Variants in SPATA1 observed in about 807,000 individuals in gnomAD.
SPATA1 encodes the protein spermatogenesis-associated protein 1.
In SPATA1, 57 loss-of-function variants were observed where a neutral mutation model predicts 59.6. The observed-to-expected ratio is 0.96, with a 90% confidence interval of 0.77 to 1.19. SPATA1 has a LOEUF of 1.19. Ranked by LOEUF, SPATA1 falls within the 50% of genes most tolerant of loss-of-function variation. SPATA1 has a pLI of 0.00. For missense variants in SPATA1, 448 were observed against 480.7 expected (o/e 0.93, Z 0.64); for synonymous variants, 147 against 163.9 (o/e 0.90, Z 0.79).
rs141724452 is a variant in SPATA1 at position 84,535,265 on chromosome 1, C to T, written c.717+1499C>T. Among the ~76,000 whole-genome samples the T allele has an allele frequency of 1.7e-3, 251 of 152,102 alleles. 1 individual carries two copies. The highest frequency in any genetic ancestry group is 5.9e-3 in the African/African-American group (246 of 41,500). On this transcript the variant is annotated intron_variant, in intron 8 of 12. Transcript: ENST00000490879. ...AGGCTTTATAAGTAGTTATTGTTAT[C>T]AGATAGCGTAAGATTTCCAAGTCAA...
chr1:84,551,284 G>A, intron 12 of SPATA1: 1 of 980,648 alleles, frequency 1.0e-6, no homozygotes. Context: ...ACAGAATAAT[G>A]ACTGCATTCT....
chr1:84,557,857 C>CAA (rs375521066), downstream of SPATA1, among the ~76,000 whole-genome samples: 444 of 117,802 alleles, frequency 3.8e-3, 1 homozygote, highest in African/African-American at 0.012. Flanking sequence ...GACTCCATCT[C>CAA]AAAAAAAAAA....
Position 84,542,634 on chromosome 1 carries a change from G to A in SPATA1, c.718-1568G>A, listed in dbSNP as rs138754074. Among the ~76,000 whole-genome samples the A allele has an allele frequency of 2.6e-3, 390 of 152,076 alleles. 2 individuals are homozygous for A. Among genetic ancestry groups the A allele is most frequent in the Admixed American group, 3.7e-3 (57 of 15,282 alleles). ...TATCTGACTCTCTGCTCAGATGTGG[G>A]CTCCTGACCACACTCTGATCTAGTA... On this transcript the variant is annotated intron_variant, in intron 8 of 12. Coordinates refer to ENST00000490879, the Ensembl canonical transcript of SPATA1.
intron 8 of SPATA1, among the ~76,000 whole-genome samples, chr1:84,537,022 G>A (rs1184727680): frequency 1.3e-5 from 2 of 151,684 alleles, no homozygotes; most frequent in East Asian, 3.9e-4. Flanking sequence ...TGGGATTATA[G>A]GCACCTGCCA....
intron 8 of SPATA1, among the ~76,000 whole-genome samples, chr1:84,538,445 C>T (rs1683787821): frequency 6.6e-6 from 1 of 152,052 alleles, no homozygotes; most frequent in Admixed American, 6.6e-5. Context: ...ACAGGAAATA[C>T]CAAATAATCT....
chr1:84,564,646 T>A (rs1684657738), intron 4 of SPATA1, among the ~76,000 whole-genome samples: 2 of 152,190 alleles, frequency 1.3e-5, no homozygotes, highest in Non-Finnish European at 2.9e-5. Flanking sequence ...GCTTGAACCT[T>A]TTATTGATAG....
At position 84,514,459 on chromosome 1, in the gene SPATA1, G is replaced by A. The variant is rs185756241; in HGVS notation, c.-137-1764G>A. On this transcript the variant is annotated intron_variant, in intron 1 of 12. Coordinates refer to ENST00000490879, the Ensembl canonical transcript of SPATA1. ...AATTTTGGGATATTTGCATTATATC[G>A]GTTAAACAATCCTAATCCAAATCCA... Among the ~76,000 whole-genome samples the A allele has an allele frequency of 1.5e-3, 231 of 152,148 alleles. 1 individual carries two copies. Among genetic ancestry groups the A allele is most frequent in the African/African-American group, 5.4e-3 (225 of 41,498 alleles).
At chr1:84,548,741 A>T in intron 10 of SPATA1, 45 bp from the exon 11 acceptor site, 3 of 1,385,796 alleles carry the variant, frequency 2.2e-6, no homozygotes, top group Non-Finnish European at 2.8e-6. Context: ...ACTCAAACGA[A>T]GGCCTTTCCT....
intron 4 of SPATA1, among the ~76,000 whole-genome samples, chr1:84,564,573 C>A (rs551561796): frequency 1.2e-3 from 187 of 152,242 alleles, no homozygotes; most frequent in African/African-American, 4.4e-3. Flanking sequence ...CAAAGTATCC[C>A]TATGTTGCTC....
exon 13 of SPATA1, chr1:84,553,966 G>A (rs1462645710): frequency 6.6e-6 from 1 of 152,122 alleles, no homozygotes; most frequent in Admixed American, 6.6e-5. Flanking sequence ...AGAACTAGTT[G>A]AGAAGCTAAT....
exon 4 of SPATA1, chr1:84,522,487 A>G: frequency 4.6e-6 from 7 of 1,532,134 alleles, no homozygotes; most frequent in Non-Finnish European, 5.3e-6. Flanking sequence ...TCTGAAATGC[A>G]TTGGAAATAA....
intron 1 of SPATA1, among the ~76,000 whole-genome samples, chr1:84,512,598 C>T (rs1274532537): frequency 1.3e-5 from 2 of 152,304 alleles, no homozygotes; most frequent in East Asian, 3.9e-4. Flanking sequence ...ATTTTCAGCT[C>T]TGCTACTGAC....
In SPATA1 at chr1:84,526,001, G is replaced by A. The variant is rs572193163; in HGVS notation, c.472G>A (p.Glu158Lys). The A allele has an allele frequency of 2.0e-5, 32 of 1,613,592 alleles. No individual in the cohort carries two copies. The Admixed American group carries it at 3.7e-4, about 18-fold the overall frequency. The change falls in exon 6 of 13, where the codon GAG becomes AAG. Residue 158 changes from glutamate (E) to lysine (K), a missense_variant. Transcript: ENST00000490879. Reference sequence around the variant, plus strand: ...ACCAATTAGTGTAACTTTGTTCAAGGAGGAACTTGGAAGAGATCCCAGTTT... The same window carrying A: ...ACCAATTAGTGTAACTTTGTTCAAGAAGGAACTTGGAAGAGATCCCAGTTT...
chr1:84,558,154 G>A (rs939288944), downstream of SPATA1, among the ~76,000 whole-genome samples: 2 of 152,006 alleles, frequency 1.3e-5, no homozygotes, highest in Non-Finnish European at 2.9e-5. Flanking sequence ...TGGATTTTAA[G>A]TGTTCTTACC....
At chr1:84,532,815 C>T in intron 6 of SPATA1, 45 bp from the exon 7 acceptor site, 2 of 1,314,056 alleles carry the variant, frequency 1.5e-6, no homozygotes, top group Non-Finnish European at 2.1e-6. Flanking sequence ...TACTATTTTC[C>T]TAACATTCTG....
chr1:84,541,230 C>T (rs1683888310), intron 8 of SPATA1, among the ~76,000 whole-genome samples: 1 of 152,134 alleles, frequency 6.6e-6, no homozygotes, highest in South Asian at 2.1e-4. Flanking sequence ...TGGGCCCTTT[C>T]AATATGAAAA....
At chr1:84,519,166 G>A (rs889515120) in intron 2 of SPATA1, among the ~76,000 whole-genome samples, 4 of 151,858 alleles carry the variant, frequency 2.6e-5, no homozygotes, top group Admixed American at 6.6e-5. Context: ...ATAGAGACAG[G>A]ATCCAACAGT....
chr1:84,553,204 G>T, exon 13 of SPATA1: 2 of 782,750 alleles, frequency 2.6e-6, no homozygotes, highest in Non-Finnish European at 2.0e-6. Context: ...TATTCTCCTT[G>T]GCAATGTTTT....
chr1:84,517,808 C>T (rs1682861821), intron 2 of SPATA1, among the ~76,000 whole-genome samples: 1 of 152,062 alleles, frequency 6.6e-6, no homozygotes, highest in South Asian at 2.1e-4. Context: ...ACTGCTAGCA[C>T]GTGAGTCACC....
Sources: gnomAD v4.1 joint callset for allele counts (sites outside exome capture counted in the v4.1 genomes callset) on GRCh38, gnomAD v4.1.1 for gene constraint, MANE v1.5 for transcripts, NCBI Gene and HGNC (gene_info 2026-07-23, HGNC 2026-07-21) for gene names.